The following NDOR1 variants were observed in gnomAD, a reference collection of about 807,000 sequenced individuals.
The protein encoded by NDOR1 is NADPH-dependent diflavin oxidoreductase 1.
In NDOR1, 61 loss-of-function variants were observed where a neutral mutation model predicts 67.2. That is an observed-to-expected ratio of 0.91 (90% CI 0.74 to 1.12). The LOEUF (loss-of-function observed/expected upper bound fraction) is 1.12. Among genes scored for constraint, NDOR1 ranks in the 50% most tolerant of loss-of-function variants. NDOR1 has a pLI of 0.00. For synonymous variants in NDOR1, 378 were observed against 343.7 expected (o/e 1.10, Z -1.10); for missense variants, 878 against 802.8 (o/e 1.09, Z -1.13).
chr9:137,215,379 A>AC, intron 9 of NDOR1, 28 bp from the exon 10 acceptor site: 72 of 1,499,212 alleles, frequency 4.8e-5, no homozygotes, highest in Non-Finnish European at 6.3e-5. Context: ...GCCTTGTTCC[A>AC]CCACCCCCAC....
At chr9:137,206,109 C>T (rs1834950043) in intron 1 of NDOR1, 123 bp from the exon 2 acceptor site, 2 of 1,458,542 alleles carry the variant, frequency 1.4e-6, no homozygotes. Context: ...AGAAGACGGT[C>T]TGGCTGCTCA....
At position 137,205,753 on chromosome 9, in the gene NDOR1, A is replaced by C. The variant is rs1283944265; in HGVS notation, c.-25A>C. 1.2e-5 allele frequency: 19 copies of C among 1,601,256 alleles called. No homozygotes were observed. Among genetic ancestry groups the C allele is most frequent in the Non-Finnish European group, 1.5e-5 (18 of 1,179,560 alleles). On this transcript the variant is annotated 5_prime_UTR_variant, in exon 1 of 14. Coordinates refer to ENST00000684003, the MANE Select transcript of NDOR1 (RefSeq NM_014434.4). ...GAACTGCCTTCTAGTTTTTAGTCTCAGACCAGACCACCGGGCGCACCCCGA... is the reference window on the plus strand; with the variant it reads ...GAACTGCCTTCTAGTTTTTAGTCTCCGACCAGACCACCGGGCGCACCCCGA...
chr9:137,216,373 G>A lies in NDOR1; in HGVS notation c.1751G>A (p.Arg584Lys), dbSNP rs1312443284. The A allele has an allele frequency of 6.2e-7, 1 of 1,607,642 alleles. No homozygotes were observed. Among genetic ancestry groups the A allele is most frequent in the South Asian group, 1.1e-5 (1 of 91,088 alleles). ...CCGGACGCAGCCGCGTATCTAGCCA[G>A]GCTCCAGCAGACACGGCGCTTCCAG... ...CSPDAAAYLARLQQTRRFQTE... is the reference protein window; with the variant it reads ...CSPDAAAYLAKLQQTRRFQTE... The change falls in exon 14 of 14, where the codon AGG (arginine) becomes AAG (lysine). Residue 584 changes from arginine to lysine, a missense_variant. Coordinates refer to ENST00000684003, the MANE Select transcript of NDOR1 (RefSeq NM_014434.4).
chr9:137,216,183 G>C lies in NDOR1; in HGVS notation c.1644G>C (p.Leu548=). ...LLDRQGAYFY[L]AGNAKSMPAD... ...ACCGCCAGGGTGCATACTTCTACCT[G>C]GCAGGGTGAGCTGGCCTGCGTGCAG... The change falls in exon 13 of 14, where the codon CTG becomes CTC. Residue 548 remains leucine, a synonymous_variant. Transcript: ENST00000684003. 6.2e-7 allele frequency: 1 copy of C among 1,613,422 alleles called. No homozygotes were observed. Among genetic ancestry groups the C allele is most frequent in the Non-Finnish European group, 8.5e-7 (1 of 1,180,014 alleles).
rs2131375844 is a variant in NDOR1, at chr9:137,215,134, C to G, written c.1105C>G (p.Pro369Ala). The G allele has an allele frequency of 1.2e-6, 2 of 1,613,782 alleles. No individual in the cohort carries two copies. The highest frequency in any genetic ancestry group is 1.7e-6 in the Non-Finnish European group (2 of 1,180,002). ...DFPHTAAAIP[P>A]DYLLDLIPVI... ...CCCGCACACAGCTGCCGCCATCCCT[C>G]CCGACTACCTGTTGGACCTCATCCC... Residue 369 changes from proline to alanine, a missense_variant, in exon 9 of 14, where the codon CCC (proline) becomes GCC (alanine). Pro to Ala is a conservative substitution (Grantham distance 27). Coordinates refer to ENST00000684003, the MANE Select transcript of NDOR1 (RefSeq NM_014434.4).
intron 2 of NDOR1, among the ~76,000 whole-genome samples, chr9:137,211,096 G>A (rs970483249): frequency 1.2e-4 from 18 of 152,272 alleles, no homozygotes; most frequent in South Asian, 6.2e-4. Flanking sequence ...AGCTGAGGTC[G>A]CACCATTGCA....
rs145932402 is a variant in NDOR1, at chr9:137,213,851, G to A, written c.383G>A (p.Cys128Tyr). The change falls in exon 4 of 14, where the codon TGC becomes TAC. Residue 128 changes from cysteine (C) to tyrosine (Y), a missense_variant. Coordinates refer to ENST00000684003, the MANE Select transcript of NDOR1 (RefSeq NM_014434.4). ...QLGGSALLPV[C>Y]LGDDQHELGP... is the part of the protein sequence containing the mutation. ...GGGGGCAGCGCCCTCCTGCCCGTGT[G>A]CCTGGGCGATGACCAGCATGAGCTG... The A allele has an allele frequency of 3.1e-6, 5 of 1,611,034 alleles. No homozygotes were observed. Among genetic ancestry groups the A allele is most frequent in the African/African-American group, 2.7e-5 (2 of 74,790 alleles).
At position 137,216,339 on chromosome 9, in the gene NDOR1, C is replaced by G; in HGVS notation, c.1717C>G (p.Leu573Val). 2 of 1,610,792 alleles carry G rather than the reference C, an allele frequency of 1.2e-6. No individual in the cohort carries two copies. Among genetic ancestry groups the G allele is most frequent in the Non-Finnish European group, 1.7e-6 (2 of 1,179,984 alleles). Residue 573 changes from leucine to valine, a missense_variant, in exon 14 of 14, where the codon CTC becomes GTC. Physicochemically the swap from Leu to Val is conservative, Grantham distance 32 (BLOSUM62 1). Transcript: ENST00000684003. ...LMSIFQEEGG[L>V]CSPDAAAYLA... ...GTCCATCTTCCAGGAGGAGGGTGGA[C>G]TCTGCAGCCCGGACGCAGCCGCGTA...
Position 137,216,405 on chromosome 9 carries a change from ACGTGGGCCTGAGGCCCGCGGCTGCC to A in NDOR1, c.1788_*18del. On this transcript the variant is annotated stop_lost and 3_prime_UTR_variant, in exon 14 of 14. Transcript: ENST00000684003. ...GCAGACACGGCGCTTCCAGACAGAG[ACGTGGGCCTGAGGCCCGCGGCTGCC>A]CGTGCCCCCTCTGACAGCCATCCTC... 6.2e-7 allele frequency: 1 copy of A among 1,603,878 alleles called. No homozygotes were observed. Among genetic ancestry groups the A allele is most frequent in the Non-Finnish European group, 8.5e-7 (1 of 1,179,074 alleles).
chr9:137,209,783 G>T (rs1297973320), intron 2 of NDOR1, among the ~76,000 whole-genome samples: 1 of 152,248 alleles, frequency 6.6e-6, no homozygotes, highest in Non-Finnish European at 1.5e-5. Context: ...CCAGGTCCCT[G>T]CCTGTCTGGT....
Position 137,214,309 on chromosome 9 carries a change from G to C in NDOR1, c.618G>C (p.Ser206=). 6.2e-7 allele frequency: 1 copy of C among 1,614,022 alleles called. No homozygotes were observed. The highest frequency in any genetic ancestry group is 1.3e-5 in the African/African-American group (1 of 75,038). ...GCTCTCAGGAGCCCCCGTCAGAGTC[G>C]AAGCCCTTCCTAGCACCCATGATCT... The part of the protein sequence containing the change: ...HPGSQEPPSE[S]KPFLAPMISN... The change falls in exon 6 of 14, where the codon TCG becomes TCC. Residue 206 remains serine, a synonymous_variant. Transcript: ENST00000684003.
chr9:137,214,988 C>T lies in NDOR1; in HGVS notation c.1035C>T (p.Tyr345=). Residue 345 remains tyrosine, a synonymous_variant, in exon 8 of 14, where the codon TAC becomes TAT. Coordinates refer to ENST00000684003, the MANE Select transcript of NDOR1 (RefSeq NM_014434.4). ...AAGGCCAGGAGGAGCTCTTTGAATA[C>T]TGCAACCGGCCCCGCAGGACCATCC... The part of the protein sequence containing the change: ...SAQGQEELFE[Y]CNRPRRTILE... The T allele has an allele frequency of 6.2e-7, 1 of 1,613,344 alleles. No individual in the cohort carries two copies. Among genetic ancestry groups the T allele is most frequent in the Non-Finnish European group, 8.5e-7 (1 of 1,179,664 alleles).
rs1835708894 is a variant in NDOR1, at chr9:137,218,013, C to T, written c.*1597C>T. ...GCCAAAGCCATGGAGGGTGCCTGGG[C>T]CCTTCCAACCTGGAAGGAGGAGGGG... On this transcript the variant is annotated 3_prime_UTR_variant, in exon 14 of 14. Coordinates refer to ENST00000684003, the MANE Select transcript of NDOR1 (RefSeq NM_014434.4). 2.5e-6 allele frequency: 1 copy of T among 399,210 alleles called. No individual in the cohort carries two copies. Among genetic ancestry groups the T allele is most frequent in the Non-Finnish European group, 4.4e-6 (1 of 226,502 alleles). The allele number at this position is 399,210 out of a possible 1,614,324, so 24.7% of individuals were successfully genotyped here. A position where few individuals can be genotyped will look rare whatever the true frequency, so the allele number is the denominator to read the frequency against.
chr9:137,216,587 C>A lies in NDOR1; in HGVS notation c.*171C>A. 2.3e-6 allele frequency: 2 copies of A among 862,754 alleles called. No homozygotes were observed. Among genetic ancestry groups the A allele is most frequent in the Non-Finnish European group, 3.5e-6 (2 of 577,432 alleles). 53.4% of individuals were successfully genotyped at this position (862,754 alleles called of 1,614,324 possible). A position where few individuals can be genotyped will look rare whatever the true frequency, so the allele number is the denominator to read the frequency against. Reference sequence around the variant, plus strand: ...GCACTCCTGTTGACCCTGGATCCCACCCTTTGAGCCTGACCCCACTGCAGC... The same window carrying A: ...GCACTCCTGTTGACCCTGGATCCCAACCTTTGAGCCTGACCCCACTGCAGC... On this transcript the variant is annotated 3_prime_UTR_variant, in exon 14 of 14. Coordinates refer to ENST00000684003, the MANE Select transcript of NDOR1 (RefSeq NM_014434.4).
At position 137,214,811 on chromosome 9, in the gene NDOR1, C is replaced by G. The variant is rs781292253; in HGVS notation, c.858C>G (p.Pro286=). The G allele has an allele frequency of 2.4e-5, 39 of 1,603,738 alleles. No homozygotes were observed. Among genetic ancestry groups the G allele is most frequent in the Admixed American group, 5.0e-5 (3 of 59,978 alleles). ...CTCACCCTGCAGATGTCTCCTCCCC[C>G]ACGAGGCTGCCCCAGCCCTGCTCCA... is the stretch of plus-strand genomic sequence containing the variant. ...LQPREPDVSS[P]TRLPQPCSMR... is the part of the protein sequence containing the mutation. The change falls in exon 8 of 14, where the codon CCC becomes CCG. Residue 286 remains proline, a synonymous_variant. Coordinates refer to ENST00000684003, the MANE Select transcript of NDOR1 (RefSeq NM_014434.4).
chr9:137,214,263 G>A lies in NDOR1; in HGVS notation c.572G>A (p.Gly191Glu), dbSNP rs1213136732. Residue 191 changes from glycine (G) to glutamate (E), a missense_variant, in exon 6 of 14, where the codon GGG (glycine) becomes GAG (glutamate). Coordinates refer to ENST00000684003, the MANE Select transcript of NDOR1 (RefSeq NM_014434.4). ...GAGGCACCCAGCACGGGCTCTGAGG[G>A]GCAGCGGGTAGCTCACCCCGGCTCT... The part of the protein sequence containing the change: ...LQEAPSTGSE[G>E]QRVAHPGSQE... 6.2e-7 allele frequency: 1 copy of A among 1,613,604 alleles called. No homozygotes were observed. Among genetic ancestry groups the A allele is most frequent in the Non-Finnish European group, 8.5e-7 (1 of 1,180,006 alleles).
Position 137,216,824 on chromosome 9 carries a change from G to T in NDOR1, c.*408G>T, listed in dbSNP as rs1835629975. 8.6e-6 allele frequency: 2 copies of T among 231,862 alleles called. No homozygotes were observed. The highest frequency in any genetic ancestry group is 1.7e-5 in the Non-Finnish European group (2 of 115,834). 14.4% of individuals were successfully genotyped at this position (231,862 alleles called of 1,614,324 possible). A position where few individuals can be genotyped will look rare whatever the true frequency, so the allele number is the denominator to read the frequency against. On this transcript the variant is annotated 3_prime_UTR_variant, in exon 14 of 14. Coordinates refer to ENST00000684003, the MANE Select transcript of NDOR1 (RefSeq NM_014434.4). ...CCTCTGCCCTGGGGCCACCTCGGCT[G>T]CTGCAGCCTGCCCAGCAGCACATTC...
Position 137,218,407 on chromosome 9 carries a change from G to C in NDOR1, c.*1991G>C. 2.5e-6 allele frequency: 1 copy of C among 398,358 alleles called. No homozygotes were observed. Among genetic ancestry groups the C allele is most frequent in the East Asian group, 3.6e-5 (1 of 28,070 alleles). The allele number at this position is 398,358 out of a possible 1,614,324, so 24.7% of individuals were successfully genotyped here. On this transcript the variant is annotated 3_prime_UTR_variant, in exon 14 of 14. Transcript: ENST00000684003. Reference sequence around the variant, plus strand: ...TCCTGGCAGGGCCCGTGGGCGGCCGGGGCTGCCTGCCCTTCCTGCCCTGTC... The same window carrying C: ...TCCTGGCAGGGCCCGTGGGCGGCCGCGGCTGCCTGCCCTTCCTGCCCTGTC...
chr9:137,215,089 G>C lies in NDOR1; in HGVS notation c.1066-6G>C, dbSNP rs768205110. On this transcript the variant is annotated splice_region_variant and splice_polypyrimidine_tract_variant and intron_variant, in intron 8 of 13. Coordinates refer to ENST00000684003, the MANE Select transcript of NDOR1 (RefSeq NM_014434.4). The stretch of plus-strand genomic sequence containing the variant: ...CTGCAGCCACCCTGAGACTCTCTTT[G>C]CCTAGGTGCTCTGTGACTTCCCGCA... The C allele has an allele frequency of 6.2e-7, 1 of 1,613,702 alleles. No individual in the cohort carries two copies. Among genetic ancestry groups the C allele is most frequent in the Non-Finnish European group, 8.5e-7 (1 of 1,179,942 alleles).
Sources: allele counts gnomAD v4.1 joint callset (sites outside exome capture counted in the v4.1 genomes callset), GRCh38; gene constraint gnomAD v4.1.1; transcripts MANE v1.5; gene names NCBI Gene and HGNC (gene_info 2026-07-23, HGNC 2026-07-21).